The following LGR5 variants were observed in gnomAD, a reference collection of about 807,000 sequenced individuals.
The protein encoded by LGR5 is leucine-rich repeat-containing G protein-coupled receptor 5.
A neutral mutation model predicts 76.7 loss-of-function variants in LGR5; 54 were observed. The ratio of observed to expected loss-of-function variants is 0.70; its 90% CI spans 0.57 to 0.88. The LOEUF (loss-of-function observed/expected upper bound fraction) is 0.88. LGR5 is among the 40% of genes least tolerant of loss of function. The pLI is 0.00. For missense variants in LGR5, 1,078 were observed against 1,073.3 expected (o/e 1.00, Z -0.06); for synonymous variants, 406 against 421.9 (o/e 0.96, Z 0.46).
intron 4 of LGR5, among the ~76,000 whole-genome samples, chr12:71,539,676 C>G (rs1876779062): frequency 6.6e-6 from 1 of 152,172 alleles, no homozygotes; most frequent in Non-Finnish European, 1.5e-5. Flanking sequence ...CAGGGTTTCA[C>G]TATGTTGGTC....
intron 1 of LGR5, among the ~76,000 whole-genome samples, chr12:71,457,577 T>G (rs1484088950): frequency 6.6e-6 from 1 of 152,094 alleles, no homozygotes; most frequent in East Asian, 1.9e-4. Context: ...CTAAAGATAG[T>G]TTCATGGGCT....
chr12:71,503,131 G>A (rs906931040), intron 1 of LGR5, among the ~76,000 whole-genome samples: 9 of 151,502 alleles, frequency 5.9e-5, no homozygotes, highest in African/African-American at 1.9e-4. Context: ...TATAATCACT[G>A]TGAGGAATCC....
chr12:71,540,492 G>T (rs778224959), intron 4 of LGR5, among the ~76,000 whole-genome samples: 9 of 152,064 alleles, frequency 5.9e-5, no homozygotes, highest in Non-Finnish European at 8.8e-5. Flanking sequence ...TTTCTGCCTG[G>T]CACACCAGCT....
Position 71,578,793 on chromosome 12 carries a change from A to G in LGR5, c.1281-11A>G. ...TAGACTAAAAGCCAATTGTTGTTTG[A>G]TGTTTTGCAGGGACCTATCGTCCAA... On this transcript the variant is annotated splice_polypyrimidine_tract_variant and intron_variant, in intron 14 of 17. Coordinates refer to ENST00000266674, the MANE Select transcript of LGR5 (RefSeq NM_003667.4). The G allele has an allele frequency of 1.3e-6, 2 of 1,588,090 alleles. No individual in the cohort carries two copies. Among genetic ancestry groups the G allele is most frequent in the Non-Finnish European group, 1.7e-6 (2 of 1,169,548 alleles).
intron 1 of LGR5, among the ~76,000 whole-genome samples, chr12:71,481,226 C>T (rs1206998888): frequency 6.6e-6 from 1 of 152,104 alleles, no homozygotes; most frequent in Admixed American, 6.6e-5. Context: ...AGGTATTTGT[C>T]CTGATGATAT....
intron 11 of LGR5, among the ~76,000 whole-genome samples, chr12:71,567,690 TG>T (rs1878416714): frequency 6.6e-6 from 1 of 152,174 alleles, no homozygotes; most frequent in African/African-American, 2.4e-5. Context: ...TAAACGGGAA[TG>T]GCTGCCTCTG....
Position 71,572,364 on chromosome 12 carries a change from G to A in LGR5, c.1137-486G>A, listed in dbSNP as rs1878650900. Reference sequence around the variant, plus strand: ...CCCAAAGTGCTGCGATTACAGGCGTGAGCCACCGCGCCCGGCCAAACTTGT... The same window carrying A: ...CCCAAAGTGCTGCGATTACAGGCGTAAGCCACCGCGCCCGGCCAAACTTGT... On this transcript the variant is annotated intron_variant, in intron 12 of 17. Coordinates refer to ENST00000266674, the MANE Select transcript of LGR5 (RefSeq NM_003667.4). 5.3e-5 allele frequency among the ~76,000 whole-genome samples: 8 copies of A among 152,240 alleles called. No individual in the cohort carries two copies. In the South Asian group the frequency reaches 1.7e-3, roughly 32 times the overall value.
intron 1 of LGR5, among the ~76,000 whole-genome samples, chr12:71,447,739 C>G (rs1271932136): frequency 1.3e-5 from 2 of 152,182 alleles, no homozygotes; most frequent in African/African-American, 4.8e-5. Flanking sequence ...ATGATACAAA[C>G]ATTGGCAGGG....
At chr12:71,499,073 T>G (rs10506633) in intron 1 of LGR5, among the ~76,000 whole-genome samples, 13,606 of 152,220 alleles carry the variant, frequency 0.089, 650 homozygotes, top group Non-Finnish European at 0.11. Flanking sequence ...CTGGTAGCAC[T>G]CAGTATCCTG....
intron 1 of LGR5, among the ~76,000 whole-genome samples, chr12:71,475,392 G>C (rs1249788247): frequency 6.6e-6 from 1 of 152,154 alleles, no homozygotes; most frequent in Non-Finnish European, 1.5e-5. Flanking sequence ...TCATTTCCCT[G>C]CTTAAAGTCC....
intron 4 of LGR5, among the ~76,000 whole-genome samples, chr12:71,548,940 G>C (rs1877336919): frequency 6.6e-6 from 1 of 152,112 alleles, no homozygotes; most frequent in Non-Finnish European, 1.5e-5. Context: ...CTGATAATAA[G>C]TCTATTATGG....
intron 2 of LGR5, among the ~76,000 whole-genome samples, chr12:71,506,954 G>T (rs1206305016): frequency 3.3e-5 from 5 of 151,822 alleles, no homozygotes; most frequent in Admixed American, 2.0e-4. Context: ...GCTGTTGATT[G>T]TTTCTGTTAG....
chr12:71,493,065 G>A (rs1874146532), intron 1 of LGR5, among the ~76,000 whole-genome samples: 2 of 151,446 alleles, frequency 1.3e-5, no homozygotes, highest in East Asian at 1.9e-4. Context: ...TTTCCCTGCT[G>A]TATTTTAAGA....
intron 2 of LGR5, among the ~76,000 whole-genome samples, chr12:71,522,630 T>C (rs1875782338): frequency 6.6e-6 from 1 of 152,152 alleles, no homozygotes. Flanking sequence ...TTTTTCTTAA[T>C]TTTAGACCAG....
In LGR5 at chr12:71,504,698, G is replaced by A; in HGVS notation, c.284+13G>A. The A allele has an allele frequency of 6.3e-7, 1 of 1,597,604 alleles. No individual in the cohort carries two copies. Among genetic ancestry groups the A allele is most frequent in the South Asian group, 1.1e-5 (1 of 90,742 alleles). ...TCCTGGAGGAGTTGTAAGTATCACT[G>A]TAGTCTTGATGCATCCAGTCAACAC... On this transcript the variant is annotated intron_variant, in intron 2 of 17. Transcript: ENST00000266674.
rs377173431 is a variant in LGR5, at chr12:71,584,295, G to C, written c.2285G>C (p.Cys762Ser). The C allele has an allele frequency of 2.5e-6, 4 of 1,614,060 alleles. No individual in the cohort carries two copies. In the African/African-American group the frequency reaches 5.3e-5, roughly 22 times the overall value. Reference protein sequence around the residue: ...DKGDLENIWDCSMVKHIALLL... With the variant: ...DKGDLENIWDSSMVKHIALLL... ...GGAGACCTGGAGAATATTTGGGACT[G>C]CTCTATGGTAAAACACATTGCCCTG... is the stretch of plus-strand genomic sequence containing the variant. Residue 762 changes from cysteine to serine, a missense_variant, in exon 18 of 18, where the codon TGC becomes TCC. Cys to Ser is a moderately radical substitution (Grantham distance 112). Coordinates refer to ENST00000266674, the MANE Select transcript of LGR5 (RefSeq NM_003667.4).
chr12:71,572,776 TA>T, intron 12 of LGR5, 73 bp from the exon 13 acceptor site: 1 of 1,124,602 alleles, frequency 8.9e-7, no homozygotes, highest in Non-Finnish European at 1.3e-6. Flanking sequence ...AGTCCCTCTA[TA>T]AAAGTTATCT....
rs147466089 is a variant in LGR5, at chr12:71,501,070, G to A, written c.213-3544G>A. Among the ~76,000 whole-genome samples the A allele has an allele frequency of 4.8e-3, 729 of 152,158 alleles. 24 individuals carry two copies. Among genetic ancestry groups the A allele is most frequent in the East Asian group, 7.7e-4 (4 of 5,188 alleles). On this transcript the variant is annotated intron_variant, in intron 1 of 17. Coordinates refer to ENST00000266674, the MANE Select transcript of LGR5 (RefSeq NM_003667.4). ...TGATTTTTAGGAAACTGAATTATGG[G>A]CAAGATATGTTTTAAAAAAACAGAG...
intron 4 of LGR5, among the ~76,000 whole-genome samples, chr12:71,535,766 C>T (rs1053097662): frequency 3.9e-5 from 6 of 152,138 alleles, no homozygotes; most frequent in Non-Finnish European, 5.9e-5. Flanking sequence ...TACAAACATA[C>T]CTTAGATTCA....
Sources: gnomAD v4.1 joint callset for allele counts (sites outside exome capture counted in the v4.1 genomes callset) on GRCh38, gnomAD v4.1.1 for gene constraint, MANE v1.5 for transcripts, NCBI Gene and HGNC (gene_info 2026-07-23, HGNC 2026-07-21) for gene names.